EPRS1: variants seen among roughly 807,000 people sequenced by gnomAD.
EPRS1 encodes bifunctional glutamate/proline--tRNA ligase.
In EPRS1, 107 loss-of-function variants were observed where a neutral mutation model predicts 188.3. That is an observed-to-expected ratio of 0.57 (90% CI 0.49 to 0.67). The LOEUF is 0.67. EPRS1 is among the 30% of genes least tolerant of loss of function. The pLI is 0.00. For synonymous variants in EPRS1, 596 were observed against 593.1 expected, an observed-to-expected ratio of 1.00 and a Z score of -0.07; for missense variants, 1,577 against 1,802.2, an observed-to-expected ratio of 0.88 and a Z score of 2.26.
At chr1:220,037,852 C>T (rs182513438) in intron 2 of EPRS1, among the ~76,000 whole-genome samples, 3 of 152,214 alleles carry the variant, frequency 2.0e-5, no homozygotes, top group African/African-American at 4.8e-5. Context: ...CAAACAAACA[C>T]CAATTACTCC....
intron 18 of EPRS1, among the ~76,000 whole-genome samples, chr1:219,992,893 T>G (rs565853723): frequency 6.6e-6 from 1 of 152,246 alleles, no homozygotes; most frequent in African/African-American, 2.4e-5. Flanking sequence ...CACTCCAGCC[T>G]GGGTGACAGA....
At chr1:220,041,776 A>G (rs1349141684) in intron 1 of EPRS1, among the ~76,000 whole-genome samples, 7 of 150,358 alleles carry the variant, frequency 4.7e-5, no homozygotes, top group Non-Finnish European at 7.4e-5. Flanking sequence ...GGAGGCGGAG[A>G]TTGTGGCAAG....
intron 3 of EPRS1, 100 bp from the exon 4 acceptor site, chr1:220,033,758 T>C: frequency 1.3e-6 from 1 of 757,262 alleles, no homozygotes; most frequent in Admixed American, 2.6e-5. Flanking sequence ...AACAGTACAC[T>C]CTTACTATGC....
Position 219,997,447 on chromosome 1 carries a change from G to T in EPRS1, c.2182-105C>A, listed in dbSNP as rs909696368. 2.9e-6 allele frequency: 3 copies of T among 1,049,798 alleles called. No homozygotes were observed. The African/African-American group carries it at 4.8e-5, about 17-fold the overall frequency. The allele number at this position is 1,049,798 out of a possible 1,614,324, so 65.0% of individuals were successfully genotyped here. The stretch of plus-strand genomic sequence containing the variant: ...TTTATAATGTTTCCAATTAAAAACA[G>T]AAACTTTAAACTTCAATCCCTTAAA... On this transcript the variant is annotated intron_variant, in intron 17 of 31. Coordinates refer to ENST00000366923, the MANE Select transcript of EPRS1 (RefSeq NM_004446.3).
chr1:220,004,669 T>C (rs184046870), intron 16 of EPRS1, among the ~76,000 whole-genome samples: 1 of 152,242 alleles, frequency 6.6e-6, no homozygotes, highest in Non-Finnish European at 1.5e-5. Context: ...TATTCACAGA[T>C]ATCTAAAGCA....
At chr1:219,982,973 C>T in intron 22 of EPRS1, 129 bp from the exon 23 acceptor site, 1 of 836,960 alleles carries the variant, frequency 1.2e-6, no homozygotes, top group South Asian at 1.6e-5. Flanking sequence ...ATAGTCGCTG[C>T]TGTTCACTGT....
intron 2 of EPRS1, among the ~76,000 whole-genome samples, chr1:220,037,510 A>T (rs938201227): frequency 5.9e-5 from 9 of 151,442 alleles, no homozygotes; most frequent in African/African-American, 2.2e-4. Flanking sequence ...ATCTCCAAAA[A>T]AAAAAAAAAA....
intron 1 of EPRS1, among the ~76,000 whole-genome samples, chr1:220,045,364 C>A (rs968439266): frequency 6.6e-6 from 1 of 151,990 alleles, no homozygotes; most frequent in African/African-American, 2.4e-5. Context: ...ATTAGCCAGG[C>A]ATGGTGGCAC....
At chr1:220,024,821 G>T (rs141561218) in intron 7 of EPRS1, among the ~76,000 whole-genome samples, 1 of 152,060 alleles carries the variant, frequency 6.6e-6, no homozygotes, top group East Asian at 1.9e-4. Flanking sequence ...CCTACTTAGT[G>T]TTTATTTCAT....
chr1:219,985,405 C>T (rs1235382185), intron 20 of EPRS1, among the ~76,000 whole-genome samples: 2 of 151,784 alleles, frequency 1.3e-5, no homozygotes, highest in Non-Finnish European at 2.9e-5. Context: ...TTTTCTTTTT[C>T]TTTTTTTGAA....
Position 220,005,304 on chromosome 1 carries a change from A to G in EPRS1, c.2007T>C (p.Ile669=), listed in dbSNP as rs368344894. 4 of 1,600,048 alleles carry G rather than the reference A, an allele frequency of 2.5e-6. No homozygotes were observed. In the African/African-American group the frequency reaches 5.4e-5, roughly 21 times the overall value. ...PCLKDLKKGD[I]IQLQRRGFFI... is the part of the protein sequence containing the mutation. ...AGAATCCTCTTCTCTGGAGTTGTATAATATCTCCTTTTTTCAAATCCTTAA... is the reference window on the plus strand; with the variant it reads ...AGAATCCTCTTCTCTGGAGTTGTATGATATCTCCTTTTTTCAAATCCTTAA... Residue 669 remains isoleucine (I), a synonymous_variant, in exon 16 of 32, where the codon ATT becomes ATC. Transcript: ENST00000366923.
intron 13 of EPRS1, among the ~76,000 whole-genome samples, chr1:220,010,093 C>CAAAAA (rs3055587): frequency 0.063 from 6,255 of 99,426 alleles, 374 homozygotes; most frequent in Non-Finnish European, 0.084. Context: ...GCAACTGTCT[C>CAAAAA]AAAAAAAAAA....
At chr1:220,031,928 T>C (rs1662091154) in intron 5 of EPRS1, among the ~76,000 whole-genome samples, 1 of 152,212 alleles carries the variant, frequency 6.6e-6, no homozygotes, top group African/African-American at 2.4e-5. Context: ...GATTAGGGCT[T>C]TATATAGATG....
At chr1:220,003,892 C>A (rs1017253519) in intron 16 of EPRS1, among the ~76,000 whole-genome samples, 1 of 152,096 alleles carries the variant, frequency 6.6e-6, no homozygotes, top group Admixed American at 6.6e-5. Flanking sequence ...TTGAAAAGCC[C>A]CAGGCAATTT....
intron 13 of EPRS1, among the ~76,000 whole-genome samples, chr1:220,009,994 G>A (rs1661567950): frequency 6.8e-6 from 1 of 146,882 alleles, no homozygotes; most frequent in African/African-American, 2.5e-5. Flanking sequence ...TACTCAGGAG[G>A]CTAAGGCATG....
chr1:220,036,436 T>G (rs1246083792), intron 2 of EPRS1, among the ~76,000 whole-genome samples: 1 of 151,304 alleles, frequency 6.6e-6, no homozygotes, highest in East Asian at 1.9e-4. Flanking sequence ...TCCACCTAAA[T>G]GCCCATCAGT....
intron 1 of EPRS1, among the ~76,000 whole-genome samples, chr1:220,044,488 G>A (rs1662360352): frequency 6.6e-6 from 1 of 151,996 alleles, no homozygotes; most frequent in Non-Finnish European, 1.5e-5. Flanking sequence ...ACTTTGGGAG[G>A]CCAAGGCGGG....
chr1:220,040,610 G>A (rs1052631900), intron 1 of EPRS1, among the ~76,000 whole-genome samples: 1 of 152,196 alleles, frequency 6.6e-6, no homozygotes, highest in Admixed American at 6.5e-5. Context: ...CAGCACTTTG[G>A]GAGGCCAAGG....
rs78131626 is a variant in EPRS1, at chr1:220,024,953, T to C, written c.750+179A>G. 188 of 597,198 alleles carry C rather than the reference T, an allele frequency of 3.1e-4. 1 individual carries two copies. The East Asian group carries it at 5.7e-3, about 18-fold the overall frequency. The allele number at this position is 597,198 out of a possible 1,614,324, so 37.0% of individuals were successfully genotyped here. ...AACTGGGGAAAGGAAAAATAACTCT[T>C]AAGTTTTTTGGTATGGGAGCTCGAC... On this transcript the variant is annotated intron_variant, in intron 7 of 31. Transcript: ENST00000366923.
Sources: allele counts gnomAD v4.1 joint callset (sites outside exome capture counted in the v4.1 genomes callset), GRCh38; gene constraint gnomAD v4.1.1; transcripts MANE v1.5; gene names NCBI Gene and HGNC (gene_info 2026-07-23, HGNC 2026-07-21).